The following PCDH11X variants were observed in gnomAD, a reference collection of about 807,000 sequenced individuals.
PCDH11X encodes protocadherin 11 X-linked, also known as protocadherin-11 X-linked.
A neutral mutation model predicts 53.3 loss-of-function variants in PCDH11X; 18 were observed. That is an observed-to-expected ratio of 0.34 (90% CI 0.23 to 0.50). PCDH11X has a LOEUF of 0.50. PCDH11X is among the 20% of genes least tolerant of loss of function. The probability of loss-of-function intolerance (pLI) is 0.98; values close to 1 mark genes in which losing one functional copy is unlikely to be tolerated. For synonymous variants in PCDH11X, 279 were observed against 393.3 expected (o/e 0.71, Z 3.44); for missense variants, 570 against 1,032.4 (o/e 0.55, Z 6.14).
At chrX:92,024,324 T>C (rs1176505100) in intron 6 of PCDH11X, among the ~76,000 whole-genome samples, 1 of 110,980 alleles carries the variant, frequency 9.0e-6, no homozygotes, top group Non-Finnish European at 1.9e-5. Context: ...AGTCTCAGGA[T>C]ACAAAATCAA....
chrX:91,933,509 A>T (rs372854225), intron 6 of PCDH11X, among the ~76,000 whole-genome samples: 1 of 111,766 alleles, frequency 8.9e-6, no homozygotes, highest in Admixed American at 9.5e-5. Flanking sequence ...ACAGTTCTCT[A>T]TGCAAATATT....
chrX:92,453,834 C>T (rs1168491424), intron 9 of PCDH11X, among the ~76,000 whole-genome samples: 1 of 110,745 alleles, frequency 9.0e-6, no homozygotes, highest in Non-Finnish European at 1.9e-5. Flanking sequence ...TTGACTCTTG[C>T]TATATTAATA....
At chrX:92,152,309 G>C (rs2065448552) in intron 6 of PCDH11X, among the ~76,000 whole-genome samples, 1 of 98,994 alleles carries the variant, frequency 1.0e-5, no homozygotes, top group Admixed American at 1.1e-4. Context: ...ACTTTGTTTT[G>C]GTTTATTTTT....
At chrX:91,882,506 G>T (rs1939961370) in intron 6 of PCDH11X, among the ~76,000 whole-genome samples, 1 of 111,303 alleles carries the variant, frequency 9.0e-6, no homozygotes, top group Non-Finnish European at 1.9e-5. Context: ...AATGAAAGTA[G>T]AATTTTTTGA....
At chrX:91,886,132 C>T (rs1453884252) in intron 6 of PCDH11X, among the ~76,000 whole-genome samples, 5 of 111,763 alleles carry the variant, frequency 4.5e-5, no homozygotes, top group Non-Finnish European at 9.4e-5. Context: ...ATCAGTTGAC[C>T]TGGTCGCATC....
At chrX:92,528,094 A>C (rs1020229301) in intron 10 of PCDH11X, among the ~76,000 whole-genome samples, 1 of 111,807 alleles carries the variant, frequency 8.9e-6, no homozygotes, top group Non-Finnish European at 1.9e-5. Context: ...TGGGGGATTA[A>C]TAGTGAAAAC....
intron 6 of PCDH11X, among the ~76,000 whole-genome samples, chrX:92,011,139 G>A (rs1026809764): frequency 8.9e-6 from 1 of 111,818 alleles, no homozygotes. Flanking sequence ...TGGGTATCTA[G>A]GTTGATTCCA....
chrX:92,181,187 C>G (rs1357633564), intron 6 of PCDH11X, among the ~76,000 whole-genome samples: 2 of 111,349 alleles, frequency 1.8e-5, no homozygotes, highest in Non-Finnish European at 3.8e-5. Flanking sequence ...AAAATTGGTG[C>G]AAAGGTGAGT....
At chrX:92,436,103 T>C (rs1185870867) in intron 9 of PCDH11X, among the ~76,000 whole-genome samples, 1 of 109,607 alleles carries the variant, frequency 9.1e-6, no homozygotes, top group East Asian at 2.8e-4. Context: ...CCAGCATCTA[T>C]AAGGAACTTA....
chrX:92,198,410 C>A (rs866572229), intron 6 of PCDH11X, among the ~76,000 whole-genome samples: 35 of 31,600 alleles, frequency 1.1e-3, no homozygotes, highest in African/African-American at 1.3e-3. Flanking sequence ...GATCCTGTCT[C>A]AAAAAAAAAA....
intron 1 of PCDH11X, among the ~76,000 whole-genome samples, chrX:91,797,692 G>GT (rs1187865298): frequency 9.3e-6 from 1 of 107,150 alleles, no homozygotes; most frequent in Non-Finnish European, 1.9e-5. Context: ...TTAACTGCTG[G>GT]TTTTATTTTT....
intron 6 of PCDH11X, among the ~76,000 whole-genome samples, chrX:91,976,881 C>T (rs1393637118): frequency 4.5e-5 from 5 of 111,645 alleles, no homozygotes; most frequent in Non-Finnish European, 9.4e-5. Context: ...TCCATATTAC[C>T]TCTGTAATTA....
chrX:92,329,055 A>T (rs187258658), intron 8 of PCDH11X, among the ~76,000 whole-genome samples: 2,008 of 110,948 alleles, frequency 0.018, 85 homozygotes, highest in Admixed American at 0.14. Flanking sequence ...TGGTGAGTCA[A>T]ATCCAACAGT....
chrX:92,424,721 T>C lies in PCDH11X; in HGVS notation c.3343+36788T>C, dbSNP rs1448406339. ...CAAAGGGAAAAATGTATGAGGAAAC[T>C]CATCCCTGAGTGTGTTGCTTCTCTA... On this transcript the variant is annotated intron_variant, in intron 9 of 10. Transcript: ENST00000682573. Among the ~76,000 whole-genome samples, 2 of 98,087 alleles carry C rather than the reference T, an allele frequency of 2.0e-5. 1 individual carries two copies. The highest frequency in any genetic ancestry group is 4.5e-5 in the Non-Finnish European group (2 of 44,322). The allele number at this position is 98,087 out of a possible 115,157, so 85.2% of individuals were successfully genotyped here. A position where few individuals can be genotyped will look rare whatever the true frequency, so the allele number is the denominator to read the frequency against.
At chrX:92,106,412 T>G in intron 6 of PCDH11X, among the ~76,000 whole-genome samples, 1 of 111,889 alleles carries the variant, frequency 8.9e-6, no homozygotes, top group Non-Finnish European at 1.9e-5. Flanking sequence ...TTCTGTATGT[T>G]CTTGCCATCT....
chrX:92,444,665 G>A (rs1354249929), intron 9 of PCDH11X, among the ~76,000 whole-genome samples: 1 of 102,452 alleles, frequency 9.8e-6, no homozygotes. Flanking sequence ...TATGATGTTG[G>A]CTGCATGTTT....
chrX:92,256,915 T>A (rs1454850853), intron 7 of PCDH11X, among the ~76,000 whole-genome samples: 1 of 111,686 alleles, frequency 9.0e-6, no homozygotes, highest in South Asian at 3.8e-4. Context: ...TCCGTTTCCC[T>A]CTGCTTTTTT....
chrX:92,583,072 G>A (rs1923899743), intron 10 of PCDH11X, among the ~76,000 whole-genome samples: 1 of 103,908 alleles, frequency 9.6e-6, no homozygotes, highest in African/African-American at 3.6e-5. Flanking sequence ...GAAGGGACTT[G>A]CCTTATCTCA....
intron 7 of PCDH11X, among the ~76,000 whole-genome samples, chrX:92,248,732 C>T (rs1174437874): frequency 9.0e-6 from 1 of 111,269 alleles, no homozygotes; most frequent in African/African-American, 3.3e-5. Context: ...CACTCTGTCG[C>T]CCAGGCTGGA....
Sources: gnomAD v4.1 joint callset for allele counts (sites outside exome capture counted in the v4.1 genomes callset) on GRCh38, gnomAD v4.1.1 for gene constraint, MANE v1.5 for transcripts, NCBI Gene and HGNC (gene_info 2026-07-23, HGNC 2026-07-21) for gene names.